The following BRAP variants were observed in gnomAD, a reference collection of about 807,000 sequenced individuals.
The protein encoded by BRAP is BRCA1 associated protein, also known as BRCA1-associated protein.
A neutral mutation model predicts 73.4 loss-of-function variants in BRAP; 42 were observed. The ratio of observed to expected loss-of-function variants is 0.57; its 90% CI spans 0.45 to 0.74. The LOEUF (loss-of-function observed/expected upper bound fraction) is 0.74. BRAP is among the 30% of genes least tolerant of loss of function. The probability of loss-of-function intolerance (pLI) is 0.00; values close to 1 mark genes in which losing one functional copy is unlikely to be tolerated. For missense variants in BRAP, 593 were observed against 751.4 expected, an observed-to-expected ratio of 0.79 and a Z score of 2.46; for synonymous variants, 255 against 267.4, an observed-to-expected ratio of 0.95 and a Z score of 0.45.
rs1049987831 is a variant in BRAP at position 111,643,960 on chromosome 12, T to G, written c.*239A>C. 1 of 544,552 alleles carries G rather than the reference T, an allele frequency of 1.8e-6. No homozygotes were observed. Among genetic ancestry groups the G allele is most frequent in the South Asian group, 3.3e-5 (1 of 30,524 alleles). 33.7% of individuals were successfully genotyped at this position (544,552 alleles called of 1,614,324 possible). ...CCAAGCAGGAAGGCAAAATGGTCAT[T>G]AGAATGTGAGGTTAGTGAACTCTTA... is the stretch of plus-strand genomic sequence containing the variant. On this transcript the variant is annotated 3_prime_UTR_variant, in exon 12 of 12. Coordinates refer to ENST00000419234, the MANE Select transcript of BRAP (RefSeq NM_006768.5).
At chr12:111,684,011 G>A (rs1887699757) in intron 1 of BRAP, among the ~76,000 whole-genome samples, 1 of 152,106 alleles carries the variant, frequency 6.6e-6, no homozygotes, top group Non-Finnish European at 1.5e-5. Context: ...TCAAAAACTT[G>A]TAGGGGTAGT....
At chr12:111,678,043 C>T (rs1273915229) in intron 4 of BRAP, among the ~76,000 whole-genome samples, 1 of 151,050 alleles carries the variant, frequency 6.6e-6, no homozygotes, top group African/African-American at 2.4e-5. Flanking sequence ...ACCTGAGGTC[C>T]AGAGTTTGAG....
chr12:111,674,351 T>C (rs945780552), intron 4 of BRAP, among the ~76,000 whole-genome samples: 2 of 152,134 alleles, frequency 1.3e-5, no homozygotes, highest in African/African-American at 2.4e-5. Flanking sequence ...CAAGCAATTC[T>C]CCTGTCTCAG....
chr12:111,650,551 C>A (rs1023697510), intron 10 of BRAP, among the ~76,000 whole-genome samples: 7 of 152,190 alleles, frequency 4.6e-5, no homozygotes, highest in Non-Finnish European at 8.8e-5. Flanking sequence ...CAGGCGTGAG[C>A]CACCGTGCCC....
At position 111,683,219 on chromosome 12, in the gene BRAP, T is replaced by A; in HGVS notation, c.171A>T (p.Val57=). Residue 57 remains valine, a synonymous_variant, in exon 2 of 12, where the codon GTA becomes GTT. Transcript: ENST00000419234. ...CLEGKSPGEK[V]AIIHQHLGRR... is the part of the protein sequence containing the mutation. Reference sequence around the variant, plus strand: ...GGCCGAGATGCTGATGGATAATCGCTACTTTCTCTCCTGGTGACTTGCCTT... The same window carrying A: ...GGCCGAGATGCTGATGGATAATCGCAACTTTCTCTCCTGGTGACTTGCCTT... The A allele has an allele frequency of 6.2e-7, 1 of 1,614,234 alleles. No individual in the cohort carries two copies. The highest frequency in any genetic ancestry group is 1.3e-5 in the African/African-American group (1 of 75,070).
chr12:111,644,649 T>C (rs1466675148), intron 11 of BRAP, 87 bp from the exon 12 acceptor site: 21 of 1,536,666 alleles, frequency 1.4e-5, no homozygotes, highest in Non-Finnish European at 1.7e-5. Context: ...AGAGAAACCA[T>C]GACCTCAGAA....
intron 6 of BRAP, among the ~76,000 whole-genome samples, chr12:111,662,534 G>C (rs1886793890): frequency 6.6e-6 from 1 of 151,522 alleles, no homozygotes; most frequent in Admixed American, 6.6e-5. Context: ...TGGGCAACAA[G>C]AGCGAAACTC....
At chr12:111,683,121 G>A in intron 2 of BRAP, 25 bp downstream of exon 2, 1 of 1,601,974 alleles carries the variant, frequency 6.2e-7, no homozygotes, top group Non-Finnish European at 8.5e-7. Flanking sequence ...TTACAAAAGA[G>A]AGTCCAGGGT....
At chr12:111,644,616 C>T in intron 11 of BRAP, 54 bp from the exon 12 acceptor site, 4 of 1,580,130 alleles carry the variant, frequency 2.5e-6, no homozygotes, top group East Asian at 4.5e-5. Context: ...TGACACAGTC[C>T]CCTTTCTGCT....
rs1887816947 is a variant in BRAP at position 111,685,868 on chromosome 12, C to A, written c.-76G>T. 1.2e-6 allele frequency: 1 copy of A among 857,788 alleles called. No individual in the cohort carries two copies. Among genetic ancestry groups the A allele is most frequent in the Non-Finnish European group, 1.5e-6 (1 of 658,816 alleles). 53.1% of individuals were successfully genotyped at this position (857,788 alleles called of 1,614,324 possible). On this transcript the variant is annotated 5_prime_UTR_variant, in exon 1 of 12. Coordinates refer to ENST00000419234, the MANE Select transcript of BRAP (RefSeq NM_006768.5). ...AGGCGAGCCGAGAGGCCGAGCGGCC[C>A]GGGGCCGGCAGCGCCGCCACCACCT... is the stretch of plus-strand genomic sequence containing the variant.
chr12:111,665,845 T>C lies in BRAP; in HGVS notation c.748-58A>G. ...TCATCTACCAGCAATACTTTATTTT[T>C]CCTTCTTTTTTCTGAGACAGGGTCT... On this transcript the variant is annotated intron_variant, in intron 5 of 11. Transcript: ENST00000419234. The surrounding 1 kb of genome is among the most constrained non-coding windows in gnomAD (Gnocchi z 4.3). The C allele has an allele frequency of 6.2e-7, 1 of 1,604,208 alleles. No individual in the cohort carries two copies. Among genetic ancestry groups the C allele is most frequent in the Non-Finnish European group, 8.5e-7 (1 of 1,172,126 alleles).
At chr12:111,676,598 G>A (rs1312069892) in intron 4 of BRAP, among the ~76,000 whole-genome samples, 1 of 152,172 alleles carries the variant, frequency 6.6e-6, no homozygotes, top group Non-Finnish European at 1.5e-5. Context: ...ATTTTTAGTA[G>A]ACATAAGCTT....
Position 111,643,323 on chromosome 12 carries a change from A to T in BRAP, c.*876T>A, listed in dbSNP as rs1885967783. 1 of 152,202 alleles carries T rather than the reference A, an allele frequency of 6.6e-6. No homozygotes were observed. The allele number at this position is 152,202 out of a possible 1,614,324, so 9.4% of individuals were successfully genotyped here. On this transcript the variant is annotated 3_prime_UTR_variant, in exon 12 of 12. Transcript: ENST00000419234. ...ATTTTGTAAACATTTAGAAAATACTAAACCCAACAAAATACACAATTAGCT... is the reference window on the plus strand; with the variant it reads ...ATTTTGTAAACATTTAGAAAATACTTAACCCAACAAAATACACAATTAGCT...
At chr12:111,667,643 G>C (rs1029756575) in intron 5 of BRAP, among the ~76,000 whole-genome samples, 1 of 130,752 alleles carries the variant, frequency 7.6e-6, no homozygotes, top group Non-Finnish European at 1.5e-5. Flanking sequence ...AGGATGCAGT[G>C]AGCTGAGATC....
At chr12:111,672,542 C>T in intron 5 of BRAP, 119 bp downstream of exon 5, 5 of 808,906 alleles carry the variant, frequency 6.2e-6, no homozygotes, top group South Asian at 5.6e-5. Context: ...CTGATAACCA[C>T]CAGTCTACTT....
Position 111,681,664 on chromosome 12 carries a change from T to G in BRAP, c.416A>C (p.His139Pro). Reference sequence around the variant, plus strand: ...TGTCTTATATAGGTGCATAATACCATGAACTATTTCAACTGATGGATTTCC... The same window carrying G: ...TGTCTTATATAGGTGCATAATACCAGGAACTATTTCAACTGATGGATTTCC... ...FSGNPSVEIV[H>P]GIMHLYKTNK... The change falls in exon 3 of 12, where the codon CAT becomes CCT. Residue 139 changes from histidine (H) to proline (P), a missense_variant. By Grantham distance (77) the His-to-Pro change is moderately conservative. This residue lies in a region of BRAP where 304 missense variants were observed against 337.7 expected (regional missense o/e 0.90). Transcript: ENST00000419234. The G allele has an allele frequency of 1.2e-6, 2 of 1,612,644 alleles. No individual in the cohort carries two copies. The highest frequency in any genetic ancestry group is 1.7e-6 in the Non-Finnish European group (2 of 1,179,404).
At chr12:111,678,147 G>C (rs890627283) in intron 4 of BRAP, among the ~76,000 whole-genome samples, 2 of 151,472 alleles carry the variant, frequency 1.3e-5, no homozygotes, top group South Asian at 2.1e-4. Context: ...AGCTACTCCG[G>C]AGGCTGAGGC....
Position 111,681,844 on chromosome 12 carries a change from A to C in BRAP, c.245-9T>G, listed in dbSNP as rs200929140. 465 of 1,599,178 alleles carry C rather than the reference A, an allele frequency of 2.9e-4. 2 individuals carry two copies. The Middle Eastern group carries it at 3.2e-3, about 11-fold the overall frequency. ...TGTAGTTTTTAGTTCATCTTTCACC[A>C]GTTAAAAAATAGCAGATTATAAATG... On this transcript the variant is annotated splice_polypyrimidine_tract_variant and intron_variant, in intron 2 of 11. Transcript: ENST00000419234.
intron 4 of BRAP, among the ~76,000 whole-genome samples, chr12:111,673,524 A>G (rs922809276): frequency 6.6e-5 from 10 of 151,482 alleles, no homozygotes; most frequent in South Asian, 6.2e-4. Context: ...AAAAAAAAAA[A>G]AAAGAAAGAA....
Sources: allele counts gnomAD v4.1 joint callset (sites outside exome capture counted in the v4.1 genomes callset), GRCh38; gene constraint gnomAD v4.1.1; regional missense constraint gnomAD v4.1.1; non-coding constraint Gnocchi (gnomAD v3.1); transcripts MANE v1.5; gene names NCBI Gene and HGNC (gene_info 2026-07-23, HGNC 2026-07-21).